Variants in PTCD3 observed in about 807,000 individuals in gnomAD.
PTCD3 encodes the protein pentatricopeptide repeat domain 3.
A neutral mutation model predicts 101.9 loss-of-function variants in PTCD3; 89 were observed. The observed-to-expected ratio is 0.87, with a 90% CI of 0.74 to 1.04. PTCD3 has a LOEUF of 1.04. Ranked by LOEUF, PTCD3 falls within the 50% of genes least tolerant of loss-of-function variation. The probability of loss-of-function intolerance (pLI) is 0.00; values close to 1 mark genes in which losing one functional copy is unlikely to be tolerated. For synonymous variants in PTCD3, 296 were observed against 278.5 expected (o/e 1.06, Z -0.63); for missense variants, 870 against 828.2 (o/e 1.05, Z -0.62).
chr2:86,130,292 T>TC (rs1336699405), intron 14 of PTCD3, among the ~76,000 whole-genome samples: 7 of 151,332 alleles, frequency 4.6e-5, no homozygotes, highest in Non-Finnish European at 7.4e-5. Context: ...AATGCAAGAC[T>TC]CCATCTCAAA....
At chr2:86,110,764 T>C (rs139399992) in intron 3 of PTCD3, among the ~76,000 whole-genome samples, 94 of 152,210 alleles carry the variant, frequency 6.2e-4, no homozygotes, top group Non-Finnish European at 1.0e-3. Flanking sequence ...CCAATTAGGA[T>C]AGTAAAGGCA....
intron 4 of PTCD3, among the ~76,000 whole-genome samples, chr2:86,113,193 G>C (rs1356316826): frequency 6.6e-6 from 1 of 152,134 alleles, no homozygotes. Context: ...GAAATTCTTG[G>C]TACATTGTAT....
chr2:86,128,050 T>C lies in PTCD3; in HGVS notation c.1147+59T>C. 3.0e-6 allele frequency: 4 copies of C among 1,318,336 alleles called. No homozygotes were observed. In the South Asian group the frequency reaches 4.8e-5, roughly 16 times the overall value. 81.7% of individuals were successfully genotyped at this position (1,318,336 alleles called of 1,614,324 possible). A position where few individuals can be genotyped will look rare whatever the true frequency, so the allele number is the denominator to read the frequency against. On this transcript the variant is annotated intron_variant, in intron 14 of 23. Coordinates refer to ENST00000254630, the MANE Select transcript of PTCD3 (RefSeq NM_017952.6). ...AGAAAATTGACCAGCTTTCTTGAGT[T>C]TATGTGATTAATTGTTGTAGTTATC... is the stretch of plus-strand genomic sequence containing the variant.
chr2:86,133,176 A>C lies in PTCD3; in HGVS notation c.1374-2A>C. On this transcript the variant is annotated splice_acceptor_variant, in intron 17 of 23. Transcript: ENST00000254630. LOFTEE classifies it high-confidence loss of function. ...TAAACATACTTTTTGCCTTCATCAC[A>C]GTTCCAAGTTCTTCGATTTGATTTG... 1 of 1,613,204 alleles carries C rather than the reference A, an allele frequency of 6.2e-7. No homozygotes were observed. The highest frequency in any genetic ancestry group is 1.7e-4 in the Middle Eastern group (1 of 6,004).
chr2:86,136,916 G>A, intron 22 of PTCD3, 66 bp from the exon 23 acceptor site: 1 of 1,575,012 alleles, frequency 6.3e-7, no homozygotes, highest in Non-Finnish European at 8.7e-7. Flanking sequence ...ACTTACACTG[G>A]ATCTTGCCTA....
At chr2:86,130,861 T>G (rs1674483716) in intron 15 of PTCD3, 124 bp downstream of exon 15, 1 of 1,448,984 alleles carries the variant, frequency 6.9e-7, no homozygotes, top group Admixed American at 2.9e-5. Flanking sequence ...TTAAATAAAT[T>G]TGAGTACATA....
At chr2:86,115,394 C>T (rs1259430841) in intron 4 of PTCD3, among the ~76,000 whole-genome samples, 3 of 152,184 alleles carry the variant, frequency 2.0e-5, no homozygotes, top group Admixed American at 6.5e-5. Context: ...GACCCTGGAT[C>T]ATATCACTCT....
intron 14 of PTCD3, among the ~76,000 whole-genome samples, chr2:86,129,601 C>G (rs960222562): frequency 6.6e-6 from 1 of 152,132 alleles, no homozygotes; most frequent in East Asian, 1.9e-4. Context: ...GCGTTTGCCC[C>G]ACTGCACTCC....
In PTCD3 at chr2:86,128,004, T is replaced by A. The variant is rs753806570; in HGVS notation, c.1147+13T>A. The stretch of plus-strand genomic sequence containing the variant: ...TTTGATCAACCTGGTATGTATGGCC[T>A]TAAATTGTGTTAATTTATATAGAAA... On this transcript the variant is annotated intron_variant, in intron 14 of 23. Coordinates refer to ENST00000254630, the MANE Select transcript of PTCD3 (RefSeq NM_017952.6). 1 of 1,575,022 alleles carries A rather than the reference T, an allele frequency of 6.3e-7. No individual in the cohort carries two copies. Among genetic ancestry groups the A allele is most frequent in the Non-Finnish European group, 8.7e-7 (1 of 1,145,078 alleles).
chr2:86,127,458 T>C, intron 13 of PTCD3, 153 bp downstream of exon 13: 1 of 836,602 alleles, frequency 1.2e-6, no homozygotes. Flanking sequence ...TACATGTACT[T>C]ATTATAGTGG....
chr2:86,136,271 T>C (rs1470211841), intron 21 of PTCD3, among the ~76,000 whole-genome samples: 1 of 152,228 alleles, frequency 6.6e-6, no homozygotes, highest in African/African-American at 2.4e-5. Context: ...AATCTTGACA[T>C]TGGCAGCATA....
At chr2:86,121,835 G>A (rs1427424747) in intron 8 of PTCD3, among the ~76,000 whole-genome samples, 1 of 152,212 alleles carries the variant, frequency 6.6e-6, no homozygotes, top group African/African-American at 2.4e-5. Context: ...TTAAGGCAAA[G>A]CGTTGATCAG....
At chr2:86,109,516 A>G (rs1455085634) in intron 3 of PTCD3, among the ~76,000 whole-genome samples, 1 of 152,214 alleles carries the variant, frequency 6.6e-6, no homozygotes, top group South Asian at 2.1e-4. Flanking sequence ...ATGTCAATGC[A>G]TAGGTAACTG....
intron 20 of PTCD3, 136 bp from the exon 21 acceptor site, chr2:86,134,703 T>C: frequency 9.9e-7 from 1 of 1,010,548 alleles, no homozygotes; most frequent in Non-Finnish European, 1.5e-6. Flanking sequence ...TTTATTAAAT[T>C]ACTTGTGTGC....
In PTCD3 at chr2:86,121,405, A is replaced by G. The variant is rs1394884472; in HGVS notation, c.539-74A>G. On this transcript the variant is annotated intron_variant, in intron 7 of 23. Transcript: ENST00000254630. Reference sequence around the variant, plus strand: ...AGACCACCGCTAATATAAAAAAATGACACATTTTAACCTAACAGGCTTTAG... The same window carrying G: ...AGACCACCGCTAATATAAAAAAATGGCACATTTTAACCTAACAGGCTTTAG... 3 of 910,478 alleles carry G rather than the reference A, an allele frequency of 3.3e-6. No homozygotes were observed. The South Asian group carries it at 4.8e-5, about 15-fold the overall frequency. The allele number at this position is 910,478 out of a possible 1,614,324, so 56.4% of individuals were successfully genotyped here.
intron 20 of PTCD3, among the ~76,000 whole-genome samples, chr2:86,134,622 A>G (rs1674550385): frequency 6.6e-6 from 1 of 152,222 alleles, no homozygotes. Flanking sequence ...AAAAATCTCC[A>G]TCTACAAAGG....
At chr2:86,106,378 A>G (rs781708227) in intron 1 of PTCD3, 27 bp downstream of exon 1, 62 of 1,604,532 alleles carry the variant, frequency 3.9e-5, no homozygotes, top group Non-Finnish European at 5.0e-5. Flanking sequence ...GTATCCGCGA[A>G]GAAGACCGCG....
chr2:86,106,238 G>A lies in PTCD3; in HGVS notation c.-10G>A. The A allele has an allele frequency of 6.2e-7, 1 of 1,613,776 alleles. No homozygotes were observed. The highest frequency in any genetic ancestry group is 8.5e-7 in the Non-Finnish European group (1 of 1,179,832). ...ACGCTTTCCCAACATGCTCTGCAGA[G>A]AAATCAAAGATGGCGGTTGTATCTG... On this transcript the variant is annotated 5_prime_UTR_variant, in exon 1 of 24. Transcript: ENST00000254630.
chr2:86,111,210 C>A (rs1255904931), intron 4 of PTCD3, 52 bp downstream of exon 4: 2 of 1,427,302 alleles, frequency 1.4e-6, no homozygotes, highest in Non-Finnish European at 2.0e-6. Flanking sequence ...TAATAACACA[C>A]TTTTTAACTC....
Sources: gnomAD v4.1 joint callset for allele counts (sites outside exome capture counted in the v4.1 genomes callset) on GRCh38, gnomAD v4.1.1 for gene constraint, MANE v1.5 for transcripts, NCBI Gene and HGNC (gene_info 2026-07-23, HGNC 2026-07-21) for gene names.